HS3ST6: variants seen among roughly 807,000 people sequenced by gnomAD.
The protein encoded by HS3ST6 is heparan sulfate-glucosamine 3-sulfotransferase 6.
HS3ST6 carries 13 observed loss-of-function variants against 11.0 expected under a neutral mutation model. That is an observed-to-expected ratio of 1.18 (90% CI 0.77 to 1.88). The LOEUF is 1.88. Ranked by LOEUF, HS3ST6 falls within the 40% of genes most tolerant of loss-of-function variation. The pLI, the probability that HS3ST6 is intolerant of heterozygous loss-of-function variation, is 0.00. For missense variants in HS3ST6, 541 were observed against 494.4 expected, an observed-to-expected ratio of 1.09 and a Z score of -0.89; for synonymous variants, 232 against 230.6, an observed-to-expected ratio of 1.01 and a Z score of -0.06.
intron 1 of HS3ST6, among the ~76,000 whole-genome samples, chr16:1,913,561 G>T (rs2082906610): frequency 6.6e-6 from 1 of 152,200 alleles, no homozygotes; most frequent in Non-Finnish European, 1.5e-5. Context: ...GCTGGGGAGG[G>T]CTGGGAACTA....
intron 1 of HS3ST6, among the ~76,000 whole-genome samples, chr16:1,915,639 A>C (rs889410280): frequency 6.6e-6 from 1 of 152,198 alleles, no homozygotes; most frequent in African/African-American, 2.4e-5. Flanking sequence ...CAGACAGGGC[A>C]CCCTTCCCAG....
rs369600773 is a variant in HS3ST6, at chr16:1,911,807, C to T, written c.812G>A (p.Arg271Gln). 3.8e-5 allele frequency: 61 copies of T among 1,613,866 alleles called. No individual in the cohort carries two copies. The highest frequency in any genetic ancestry group is 8.8e-5 in the South Asian group (8 of 91,076). ...GRVQDFLGLK[R>Q]VVTDKHFYFN... ...GTAGAAGTGCTTGTCCGTGACGACC[C>T]GTTTCAGGCCCAGGAAGTCCTGCAC... is the stretch of plus-strand genomic sequence containing the variant. The change falls in exon 2 of 2, where the codon CGG (arginine) becomes CAG (glutamine). Residue 271 changes from arginine (R) to glutamine (Q), a missense_variant. Coordinates refer to ENST00000454677, the MANE Select transcript of HS3ST6 (RefSeq NM_001009606.4).
At position 1,917,981 on chromosome 16, in the gene HS3ST6, C is replaced by CG. The variant is rs573199046; in HGVS notation, c.342dup (p.Asp115ArgfsTer8). ...GGCTCAGAGCCCAGCGCGCGGACGT[C>CG]GGGGTGCAGCCGCAGAAACTCCAGC... On this transcript the variant is annotated frameshift_variant, in exon 1 of 2. Coordinates refer to ENST00000454677, the MANE Select transcript of HS3ST6 (RefSeq NM_001009606.4). LOFTEE classifies it high-confidence loss of function. The CG allele has an allele frequency of 2.2e-3, 3,361 of 1,552,684 alleles. 9 individuals are homozygous for CG. The highest frequency in any genetic ancestry group is 2.5e-3 in the Non-Finnish European group (2,943 of 1,158,686).
upstream of HS3ST6, among the ~76,000 whole-genome samples, chr16:1,919,695 C>T (rs72764856): frequency 2.0e-5 from 3 of 152,364 alleles, no homozygotes; most frequent in Non-Finnish European, 4.4e-5. Flanking sequence ...AAGGCCTCCA[C>T]GACCCACAGA....
At chr16:1,916,322 C>T (rs985640293) in intron 1 of HS3ST6, among the ~76,000 whole-genome samples, 6 of 152,126 alleles carry the variant, frequency 3.9e-5, no homozygotes, top group Non-Finnish European at 4.4e-5. Context: ...GAATTCTCCA[C>T]ACCCACCCCT....
Position 1,912,247 on chromosome 16 carries a change from G to A in HS3ST6, c.414-42C>T. 3 of 1,326,218 alleles carry A rather than the reference G, an allele frequency of 2.3e-6. No individual in the cohort carries two copies. In the South Asian group the frequency reaches 8.2e-5, roughly 36 times the overall value. 82.2% of individuals were successfully genotyped at this position (1,326,218 alleles called of 1,614,324 possible). Reference sequence around the variant, plus strand: ...AGGAGAGGGGGCCTGAGCCTCCCCAGCCCTAGACCGGCCCCCAGGGGCCCG... The same window carrying A: ...AGGAGAGGGGGCCTGAGCCTCCCCAACCCTAGACCGGCCCCCAGGGGCCCG... On this transcript the variant is annotated intron_variant, in intron 1 of 1. Transcript: ENST00000454677. This position sits in a 1 kb window ranked among gnomAD's most constrained non-coding sequence, Gnocchi z 5.6.
intron 1 of HS3ST6, among the ~76,000 whole-genome samples, chr16:1,916,233 G>C (rs1248401617): frequency 1.6e-5 from 1 of 62,200 alleles, no homozygotes; most frequent in East Asian, 6.7e-4. Context: ...GCTCTGCACC[G>C]CCCAGTGAGG....
At chr16:1,916,318 T>C (rs1490340047) in intron 1 of HS3ST6, among the ~76,000 whole-genome samples, 2 of 152,074 alleles carry the variant, frequency 1.3e-5, no homozygotes, top group Non-Finnish European at 2.9e-5. Flanking sequence ...CTTGGAATTC[T>C]CCACACCCAC....
Position 1,917,902 on chromosome 16 carries a change from G to A in HS3ST6, c.413+9C>T, listed in dbSNP as rs977157173. ...GCGCCGGTCAGGGCGGACGGGCCAGGGTGCTCACCGGTACCAGGCGAGGCC... is the reference window on the plus strand; with the variant it reads ...GCGCCGGTCAGGGCGGACGGGCCAGAGTGCTCACCGGTACCAGGCGAGGCC... On this transcript the variant is annotated intron_variant, in intron 1 of 1. Coordinates refer to ENST00000454677, the MANE Select transcript of HS3ST6 (RefSeq NM_001009606.4). 4.9e-6 allele frequency: 7 copies of A among 1,436,362 alleles called. No homozygotes were observed. The highest frequency in any genetic ancestry group is 2.9e-5 in the East Asian group (1 of 34,738). 89.0% of individuals were successfully genotyped at this position (1,436,362 alleles called of 1,614,324 possible).
At chr16:1,916,464 C>T (rs2082927657) in intron 1 of HS3ST6, among the ~76,000 whole-genome samples, 1 of 151,886 alleles carries the variant, frequency 6.6e-6, no homozygotes, top group African/African-American at 2.4e-5. Context: ...CCAAGTTGGG[C>T]CTGGCCTTGG....
chr16:1,919,332 C>T (rs747819582), upstream of HS3ST6, among the ~76,000 whole-genome samples: 5 of 152,196 alleles, frequency 3.3e-5, no homozygotes, highest in African/African-American at 4.8e-5. Context: ...AGGGGCCTCT[C>T]GGGTGGGACC....
At position 1,912,157 on chromosome 16, in the gene HS3ST6, G is replaced by T; in HGVS notation, c.462C>A (p.Thr154=). ...TLDGQITMEK[T]PSYFVTREAP... ...CCTCTCGCGTCACGAAGTAGCTGGGGGTCTTCTCCATGGTGATCTGCCCAT... is the reference window on the plus strand; with the variant it reads ...CCTCTCGCGTCACGAAGTAGCTGGGTGTCTTCTCCATGGTGATCTGCCCAT... The change falls in exon 2 of 2, where the codon ACC becomes ACA. Residue 154 remains threonine (T), a synonymous_variant. Coordinates refer to ENST00000454677, the MANE Select transcript of HS3ST6 (RefSeq NM_001009606.4). This position sits in a 1 kb window ranked among gnomAD's most constrained non-coding sequence, Gnocchi z 5.6. The T allele has an allele frequency of 6.7e-7, 1 of 1,488,924 alleles. No homozygotes were observed. Among genetic ancestry groups the T allele is most frequent in the Non-Finnish European group, 8.9e-7 (1 of 1,120,962 alleles). 92.2% of individuals were successfully genotyped at this position (1,488,924 alleles called of 1,614,324 possible). A position where few individuals can be genotyped will look rare whatever the true frequency, so the allele number is the denominator to read the frequency against.
At chr16:1,919,925 G>A (rs780001392), upstream of HS3ST6, among the ~76,000 whole-genome samples, 2 of 152,174 alleles carry the variant, frequency 1.3e-5, no homozygotes, top group African/African-American at 4.8e-5. Context: ...TCTTCTTCTG[G>A]TCTAGCTTGA....
rs1218206595 is a variant in HS3ST6, at chr16:1,911,787, A to C, written c.832T>G (p.Phe278Val). 1.2e-6 allele frequency: 2 copies of C among 1,613,840 alleles called. No individual in the cohort carries two copies. Among genetic ancestry groups the C allele is most frequent in the Admixed American group, 1.7e-5 (1 of 60,020 alleles). The change falls in exon 2 of 2, where the codon TTC (phenylalanine) becomes GTC (valine). Residue 278 changes from phenylalanine (F) to valine (V), a missense_variant. Physicochemically the swap from Phe to Val is conservative, Grantham distance 50. Coordinates refer to ENST00000454677, the MANE Select transcript of HS3ST6 (RefSeq NM_001009606.4). ...GLKRVVTDKH[F>V]YFNATKGFPC... Reference sequence around the variant, plus strand: ...AAGCCCTTGGTGGCGTTGAAGTAGAAGTGCTTGTCCGTGACGACCCGTTTC... The same window carrying C: ...AAGCCCTTGGTGGCGTTGAAGTAGACGTGCTTGTCCGTGACGACCCGTTTC...
upstream of HS3ST6, chr16:1,918,513 C>T (rs1464850373): frequency 6.6e-6 from 1 of 152,144 alleles, no homozygotes; most frequent in African/African-American, 2.4e-5. The surrounding 1 kb of genome is among the most constrained non-coding windows in gnomAD (Gnocchi z 6.0). Flanking sequence ...CCCGCCCACT[C>T]CGCCTCCGAG....
chr16:1,920,122 G>A (rs796289102), upstream of HS3ST6, among the ~76,000 whole-genome samples: 20 of 76,786 alleles, frequency 2.6e-4, no homozygotes, highest in South Asian at 5.8e-4. Flanking sequence ...GGTCTCAGCC[G>A]TCCCCATGGT....
At position 1,911,539 on chromosome 16, in the gene HS3ST6, G is replaced by A; in HGVS notation, c.*51C>T. 1.3e-6 allele frequency: 2 copies of A among 1,499,102 alleles called. No individual in the cohort carries two copies. The allele number at this position is 1,499,102 out of a possible 1,614,324, so 92.9% of individuals were successfully genotyped here. A position where few individuals can be genotyped will look rare whatever the true frequency, so the allele number is the denominator to read the frequency against. ...CCAGCATGTGCACGCAGCCCGCTCT[G>A]GCCAGGCGAGCGGGTGTCAATCAAG... On this transcript the variant is annotated 3_prime_UTR_variant, in exon 2 of 2. Transcript: ENST00000454677.
rs1278313355 is a variant in HS3ST6 at position 1,911,579 on chromosome 16, C to CA, written c.*10dup. On this transcript the variant is annotated 3_prime_UTR_variant, in exon 2 of 2. Coordinates refer to ENST00000454677, the MANE Select transcript of HS3ST6 (RefSeq NM_001009606.4). ...TGTCAATCAAGGTGCTGAGCATCCC[C>CA]AGGGTGCCGCTCAGCCCCAGCCGAA... 2 of 1,583,342 alleles carry CA rather than the reference C, an allele frequency of 1.3e-6. No homozygotes were observed. The highest frequency in any genetic ancestry group is 2.3e-5 in the East Asian group (1 of 43,962).
upstream of HS3ST6, among the ~76,000 whole-genome samples, chr16:1,920,274 G>C (rs1597013634): frequency 7.7e-6 from 1 of 130,406 alleles, no homozygotes. Context: ...CAGTCCCCAC[G>C]GTCTCAGGAG....
Sources: gnomAD v4.1 joint callset for allele counts (sites outside exome capture counted in the v4.1 genomes callset) on GRCh38, gnomAD v4.1.1 for gene constraint, Gnocchi (gnomAD v3.1) non-coding constraint, MANE v1.5 for transcripts, NCBI Gene and HGNC (gene_info 2026-07-23, HGNC 2026-07-21) for gene names.